Variants in DNAAF5 observed in about 807,000 individuals in gnomAD.
The protein encoded by DNAAF5 is HEAT repeat containing 2.
Under a neutral mutation model 75.8 loss-of-function variants are expected in DNAAF5, and 64 were observed. That is an observed-to-expected ratio of 0.84 (90% confidence interval 0.69 to 1.04). The LOEUF (loss-of-function observed/expected upper bound fraction) is 1.04, where lower values mean the gene tolerates loss of function less well. DNAAF5 is among the 50% of genes least tolerant of loss of function. DNAAF5 has a pLI of 0.00. For synonymous variants in DNAAF5, 657 were observed against 557.2 expected (o/e 1.18, Z -2.52); for missense variants, 1,269 against 1,178.5 (o/e 1.08, Z -1.12).
chr7:741,246 C>CA lies in DNAAF5; in HGVS notation c.906-100dup, dbSNP rs1781899240. 6 of 873,222 alleles carry CA rather than the reference C, an allele frequency of 6.9e-6. No homozygotes were observed. The East Asian group carries it at 1.6e-4, about 23-fold the overall frequency. 54.1% of individuals were successfully genotyped at this position (873,222 alleles called of 1,614,324 possible). A position where few individuals can be genotyped will look rare whatever the true frequency, so the allele number is the denominator to read the frequency against. On this transcript the variant is annotated intron_variant, in intron 3 of 12. Coordinates refer to ENST00000297440, the MANE Select transcript of DNAAF5 (RefSeq NM_017802.4). The stretch of plus-strand genomic sequence containing the variant: ...CTGGGGTTGGGGAGCTTCCCGCTCT[C>CA]ACGCAATGGGGTCTTTGGGTGACCC...
chr7:767,636 G>A (rs1778361128), intron 8 of DNAAF5, among the ~76,000 whole-genome samples: 2 of 152,054 alleles, frequency 1.3e-5, no homozygotes, highest in African/African-American at 2.4e-5. Context: ...GATATGGAGG[G>A]AAAGTGAAGC....
Position 739,103 on chromosome 7 carries a change from C to CTGACAGGCTTTGCAG in DNAAF5, c.781-1716_781-1715insTGACAGGCTTTGCAG, listed in dbSNP as rs1562377082. On this transcript the variant is annotated intron_variant, in intron 2 of 12. Coordinates refer to ENST00000297440, the MANE Select transcript of DNAAF5 (RefSeq NM_017802.4). The stretch of plus-strand genomic sequence containing the variant: ...GGCTTGTCTCAGCCACGCCCTCTGC[C>CTGACAGGCTTTGCAG]CCATCACTGTATACCTGTTTGGGCT... 1.1e-4 allele frequency among the ~76,000 whole-genome samples: 11 copies of CTGACAGGCTTTGCAG among 101,380 alleles called. 1 individual carries two copies. The highest frequency in any genetic ancestry group is 1.4e-4 in the Non-Finnish European group (7 of 49,302). 66.5% of individuals were successfully genotyped at this position (101,380 alleles called of 152,430 possible).
At chr7:778,818 T>TACCCCCCATGCAGCAAAAGC (rs1025333951) in intron 11 of DNAAF5, 1 of 153,674 alleles carries the variant, frequency 6.5e-6, no homozygotes, top group Non-Finnish European at 1.4e-5. Flanking sequence ...GCAGTGAGCA[T>TACCCCCCATGCAGCAAAAGC]ACCCCCCATG....
At chr7:768,097 C>T (rs1016259925) in intron 8 of DNAAF5, among the ~76,000 whole-genome samples, 1 of 141,990 alleles carries the variant, frequency 7.0e-6, no homozygotes, top group Non-Finnish European at 1.5e-5. Context: ...GGAGCTCGCG[C>T]TGGGAGCGGA....
chr7:755,514 G>T (rs923510551), intron 5 of DNAAF5, among the ~76,000 whole-genome samples: 6 of 152,194 alleles, frequency 3.9e-5, no homozygotes, highest in African/African-American at 1.4e-4. Flanking sequence ...TCCTCATCTT[G>T]AACCTTAAAT....
Position 774,215 on chromosome 7 carries a change from G to C in DNAAF5, c.2082+17G>C. 6.3e-7 allele frequency: 1 copy of C among 1,593,596 alleles called. No individual in the cohort carries two copies. The highest frequency in any genetic ancestry group is 8.5e-7 in the Non-Finnish European group (1 of 1,173,864). On this transcript the variant is annotated intron_variant, in intron 10 of 12. Transcript: ENST00000297440. ...GCAGAGCAGGTACGGGGCTCCCTGC[G>C]TGCTCGGTGGACACCGGCCGGGGAC...
In DNAAF5 at chr7:743,990, C is replaced by T. The variant is rs1204092189; in HGVS notation, c.1024+2525C>T. 3.3e-5 allele frequency among the ~76,000 whole-genome samples: 5 copies of T among 150,090 alleles called. No homozygotes were observed. In the East Asian group the frequency reaches 9.8e-4, roughly 29 times the overall value. ...TTTTAGGGTACATGTGCACAATGTG[C>T]AGGTTAGTTACATATGTATACATGT... On this transcript the variant is annotated intron_variant, in intron 4 of 12. Transcript: ENST00000297440.
intron 8 of DNAAF5, among the ~76,000 whole-genome samples, chr7:769,992 C>T (rs1366682657): frequency 1.3e-5 from 2 of 152,136 alleles, no homozygotes; most frequent in Admixed American, 6.5e-5. Context: ...CACTTTGTCA[C>T]CCAGGCTGGA....
At chr7:749,335 C>G (rs1012709804) in intron 4 of DNAAF5, among the ~76,000 whole-genome samples, 1 of 152,218 alleles carries the variant, frequency 6.6e-6, no homozygotes, top group African/African-American at 2.4e-5. Context: ...TTGGCAATGC[C>G]TGAGCGTAAA....
chr7:745,185 C>T (rs561526489), intron 4 of DNAAF5, among the ~76,000 whole-genome samples: 1 of 152,324 alleles, frequency 6.6e-6, no homozygotes, highest in East Asian at 1.9e-4. Context: ...CTGCCTAATT[C>T]ATGCTACACG....
chr7:764,970 A>T (rs1562392565), intron 8 of DNAAF5, among the ~76,000 whole-genome samples: 1 of 151,754 alleles, frequency 6.6e-6, no homozygotes. Context: ...AATAAAATAC[A>T]GTTAGCCAGG....
intron 9 of DNAAF5, 144 bp from the exon 10 acceptor site, chr7:773,904 T>G: frequency 1.1e-6 from 1 of 889,008 alleles, no homozygotes; most frequent in East Asian, 2.5e-5. Context: ...AAGCAGCTCC[T>G]GAGAGGAGGA....
intron 8 of DNAAF5, among the ~76,000 whole-genome samples, chr7:766,086 C>T (rs1359465550): frequency 1.3e-5 from 2 of 152,170 alleles, no homozygotes; most frequent in Admixed American, 1.3e-4. Context: ...ACCTCACCCT[C>T]CCAAAGTGCT....
rs150096726 is a variant in DNAAF5 at position 756,853 on chromosome 7, G to A, written c.1329G>A (p.Thr443=). The part of the protein sequence containing the change: ...PEVFLKLILS[T]LKKTPSASGL... ...TGTTTCTGAAGCTGATCTTATCGAC[G>A]CTGAAGAAGACGCCCTCTGCCTCCG... The change falls in exon 6 of 13, where the codon ACG becomes ACA. Residue 443 remains threonine (T), a synonymous_variant. Transcript: ENST00000297440. The A allele has an allele frequency of 1.2e-5, 19 of 1,613,854 alleles. No homozygotes were observed. Among genetic ancestry groups the A allele is most frequent in the African/African-American group, 8.0e-5 (6 of 74,942 alleles).
At chr7:740,016 A>C in intron 2 of DNAAF5, among the ~76,000 whole-genome samples, 1 of 151,970 alleles carries the variant, frequency 6.6e-6, no homozygotes, top group East Asian at 1.9e-4. Context: ...CCAGGGACTG[A>C]TGGCACCACG....
At chr7:750,018 A>T (rs941354242) in intron 4 of DNAAF5, among the ~76,000 whole-genome samples, 2 of 152,194 alleles carry the variant, frequency 1.3e-5, no homozygotes, top group African/African-American at 4.8e-5. Context: ...TATAATATTA[A>T]GTATAGAAAA....
Position 727,131 on chromosome 7 carries a change from CTG to C in DNAAF5, c.414_415del (p.Cys138Ter). The C allele has an allele frequency of 1.7e-6, 2 of 1,204,378 alleles. No homozygotes were observed. Among genetic ancestry groups the C allele is most frequent in the South Asian group, 2.8e-5 (1 of 35,156 alleles). 74.6% of individuals were successfully genotyped at this position (1,204,378 alleles called of 1,614,324 possible). ...PVPARRPPEA[C>X]EELRLALVQL... Reference sequence around the variant, plus strand: ...TGCCCGCGCGCCGCCCGCCCGAGGCCTGTGAGGAGCTGCGCCTGGCGCTTGTG... The same window carrying C: ...TGCCCGCGCGCCGCCCGCCCGAGGCCTGAGGAGCTGCGCCTGGCGCTTGTG... On this transcript the variant is annotated frameshift_variant, in exon 1 of 13. Coordinates refer to ENST00000297440, the MANE Select transcript of DNAAF5 (RefSeq NM_017802.4). LOFTEE classifies it high-confidence loss of function.
intron 11 of DNAAF5, chr7:778,576 A>T (rs1226331657): frequency 1.4e-4 from 22 of 152,240 alleles, no homozygotes; most frequent in Admixed American, 1.4e-3. Flanking sequence ...CCATCGTAAA[A>T]ACACAATAGC....
In DNAAF5 at chr7:785,290, G is replaced by T. The variant is rs116103099; in HGVS notation, c.2432-227G>T. 0.014 allele frequency among the ~76,000 whole-genome samples: 2,098 copies of T among 147,766 alleles called. 45 individuals carry two copies. Among genetic ancestry groups the T allele is most frequent in the African/African-American group, 0.048 (1,949 of 40,462 alleles). On this transcript the variant is annotated intron_variant, in intron 12 of 12. Transcript: ENST00000297440. ...GAGTCGGGTCACTCGTATCCACATT[G>T]TGACTACTGTGTCCCCATCCAGCAG... is the stretch of plus-strand genomic sequence containing the variant.
Sources: gnomAD v4.1 joint callset for allele counts (sites outside exome capture counted in the v4.1 genomes callset) on GRCh38, gnomAD v4.1.1 for gene constraint, MANE v1.5 for transcripts, NCBI Gene and HGNC (gene_info 2026-07-23, HGNC 2026-07-21) for gene names.